SMARCAL1: variants seen among roughly 807,000 people sequenced by gnomAD.
The protein encoded by SMARCAL1 is ATP-driven annealing helicase.
In SMARCAL1, 58 loss-of-function variants were observed where a neutral mutation model predicts 94.5. That is an observed-to-expected ratio of 0.61 (90% CI 0.50 to 0.76). The LOEUF (loss-of-function observed/expected upper bound fraction) is 0.76. Ranked by LOEUF, SMARCAL1 falls within the 30% of genes least tolerant of loss-of-function variation. The pLI, the probability that SMARCAL1 is intolerant of heterozygous loss-of-function variation, is 0.00. For missense variants in SMARCAL1, 1,051 were observed against 1,177.9 expected, an observed-to-expected ratio of 0.89 and a Z score of 1.58; for synonymous variants, 422 against 455.1, an observed-to-expected ratio of 0.93 and a Z score of 0.93.
chr2:216,450,716 A>C, intron 11 of SMARCAL1, 130 bp from the exon 12 acceptor site: 1 of 683,476 alleles, frequency 1.5e-6, no homozygotes, highest in Non-Finnish European at 2.6e-6. Flanking sequence ...TTGTCCCTGT[A>C]AGTCACTTGA....
At chr2:216,473,450 TCTGTTCA>T (rs1695008486) in intron 14 of SMARCAL1, among the ~76,000 whole-genome samples, 1 of 151,788 alleles carries the variant, frequency 6.6e-6, no homozygotes, top group Non-Finnish European at 1.5e-5. Flanking sequence ...TTGTACATCA[TCTGTTCA>T]CTTGTTGATG....
chr2:216,448,125 G>A (rs1694359466), intron 11 of SMARCAL1, among the ~76,000 whole-genome samples: 2 of 152,192 alleles, frequency 1.3e-5, no homozygotes, highest in African/African-American at 4.8e-5. Context: ...CCTTAGCATA[G>A]TTAATTGCAA....
rs1694440717 is a variant in SMARCAL1, at chr2:216,451,057, A to G, written c.2063A>G (p.Asp688Gly). Residue 688 changes from aspartate to glycine, a missense_variant, in exon 12 of 18, where the codon GAC becomes GGC. This residue lies in a region of SMARCAL1 where 642 missense variants were observed against 754.7 expected (regional missense o/e 0.85). Transcript: ENST00000357276. ...GCAGCCAAGGAAATGACCACCAAGG[A>G]CAAAACTGTGAGTCCAGGGCTGGAG... ...DAAAKEMTTK[D>G]KTKQQQKDAL... 1.9e-6 allele frequency: 3 copies of G among 1,613,896 alleles called. No individual in the cohort carries two copies. Among genetic ancestry groups the G allele is most frequent in the Non-Finnish European group, 2.5e-6 (3 of 1,179,762 alleles).
Position 216,447,117 on chromosome 2 carries a change from C to T in SMARCAL1, c.1810C>T (p.Gln604Ter). 6.2e-7 allele frequency: 1 copy of T among 1,614,080 alleles called. No homozygotes were observed. The highest frequency in any genetic ancestry group is 8.5e-7 in the Non-Finnish European group (1 of 1,180,018). Residue 604 changes from glutamine (Q) to a stop codon, truncating the protein, a stop_gained, in exon 11 of 18, where the codon CAG becomes TAG. Coordinates refer to ENST00000357276, the MANE Select transcript of SMARCAL1 (RefSeq NM_014140.4). LOFTEE classifies it high-confidence loss of function. ...IIAVKPTFFP[Q>*]FHAFGLRYCD... ...CGCAGTCAAGCCAACTTTCTTCCCC[C>T]AGTTTCATGCCTTTGGACTTCGCTA... is the stretch of plus-strand genomic sequence containing the variant.
At chr2:216,448,714 C>T (rs768333417) in intron 11 of SMARCAL1, among the ~76,000 whole-genome samples, 1 of 152,206 alleles carries the variant, frequency 6.6e-6, no homozygotes, top group Middle Eastern at 3.4e-3. Flanking sequence ...CACATGTAGT[C>T]CCAGCTACTC....
At chr2:216,426,551 C>T (rs531293555) in intron 6 of SMARCAL1, among the ~76,000 whole-genome samples, 46 of 152,242 alleles carry the variant, frequency 3.0e-4, no homozygotes, top group Middle Eastern at 3.4e-3. Flanking sequence ...CAGTGTCTCA[C>T]GGAAGATAAG....
intron 10 of SMARCAL1, among the ~76,000 whole-genome samples, chr2:216,440,325 C>T (rs981761563): frequency 1.3e-5 from 2 of 152,162 alleles, no homozygotes; most frequent in Admixed American, 1.3e-4. Flanking sequence ...AATGTGAAAG[C>T]TTCTAGCAAC....
At chr2:216,481,184 ATATTTATTTATT>A (rs138505181) in intron 17 of SMARCAL1, among the ~76,000 whole-genome samples, 2 of 151,722 alleles carry the variant, frequency 1.3e-5, no homozygotes, top group Non-Finnish European at 2.9e-5. Flanking sequence ...TTGATTTTTT[ATATTTATTTATT>A]TATTTATTTA....
At chr2:216,420,957 C>T (rs1693707597) in intron 5 of SMARCAL1, among the ~76,000 whole-genome samples, 1 of 152,194 alleles carries the variant, frequency 6.6e-6, no homozygotes, top group Non-Finnish European at 1.5e-5. Flanking sequence ...TAAAACGCAG[C>T]TAGCTGGGCC....
intron 10 of SMARCAL1, among the ~76,000 whole-genome samples, chr2:216,441,057 A>G (rs1694187865): frequency 6.6e-6 from 1 of 152,230 alleles, no homozygotes; most frequent in Admixed American, 6.5e-5. Context: ...AAAGCCATAT[A>G]AGGACCTAAT....
At position 216,468,885 on chromosome 2, in the gene SMARCAL1, G is replaced by C. The variant is rs551841233; in HGVS notation, c.2244+839G>C. Among the ~76,000 whole-genome samples, 38 of 152,148 alleles carry C rather than the reference G, an allele frequency of 2.5e-4. 1 individual carries two copies. Among genetic ancestry groups the C allele is most frequent in the African/African-American group, 9.2e-4 (38 of 41,522 alleles). ...ACACCACCTCACCTGGCTAATTTTT[G>C]TATTTTTAGTAGAGACGGGGTTTCA... On this transcript the variant is annotated intron_variant, in intron 14 of 17. Coordinates refer to ENST00000357276, the MANE Select transcript of SMARCAL1 (RefSeq NM_014140.4).
At position 216,451,419 on chromosome 2, in the gene SMARCAL1, A is replaced by G. The variant is rs201812029; in HGVS notation, c.2070+355A>G. ...TCAGTCTAGTAACAGTTGTTAGAAA[A>G]TTAGTCCTAACATGTTTGATACATA... On this transcript the variant is annotated intron_variant, in intron 12 of 17. Transcript: ENST00000357276. 2.0e-4 allele frequency: 67 copies of G among 331,806 alleles called. 1 individual carries two copies. Among genetic ancestry groups the G allele is most frequent in the East Asian group, 8.9e-4 (12 of 13,544 alleles). The allele number at this position is 331,806 out of a possible 1,614,324, so 20.6% of individuals were successfully genotyped here.
chr2:216,474,082 C>T (rs1034358824), intron 14 of SMARCAL1, among the ~76,000 whole-genome samples: 2 of 148,838 alleles, frequency 1.3e-5, no homozygotes, highest in Non-Finnish European at 3.0e-5. Flanking sequence ...AGGCCCATTC[C>T]AAAAGGTTAT....
intron 14 of SMARCAL1, among the ~76,000 whole-genome samples, chr2:216,472,830 C>T (rs956303408): frequency 2.0e-5 from 3 of 151,976 alleles, no homozygotes; most frequent in Non-Finnish European, 2.9e-5. Flanking sequence ...TAAAAATGTG[C>T]GGTGCTCACT....
At chr2:216,452,738 A>T (rs1486902310) in intron 12 of SMARCAL1, among the ~76,000 whole-genome samples, 3 of 152,198 alleles carry the variant, frequency 2.0e-5, no homozygotes, top group African/African-American at 4.8e-5. Flanking sequence ...AAAGAAAAGC[A>T]GTAGAAATTT....
chr2:216,440,566 C>T (rs1694177263), intron 10 of SMARCAL1, among the ~76,000 whole-genome samples: 1 of 152,158 alleles, frequency 6.6e-6, no homozygotes, highest in Non-Finnish European at 1.5e-5. Flanking sequence ...GCCTCATGAA[C>T]ATGGCCTGTG....
In SMARCAL1 at chr2:216,414,925, A is replaced by G. The variant is rs1441502670; in HGVS notation, c.221A>G (p.Gln74Arg). 30 of 1,614,104 alleles carry G rather than the reference A, an allele frequency of 1.9e-5. No homozygotes were observed. Among genetic ancestry groups the G allele is most frequent in the Non-Finnish European group, 2.5e-5 (29 of 1,180,040 alleles). Reference sequence around the variant, plus strand: ...AGCCATGGTGTCATTTTCAAGCAACAGAATCTCAGTAGCTCATCTAATGCT... The same window carrying G: ...AGCCATGGTGTCATTTTCAAGCAACGGAATCTCAGTAGCTCATCTAATGCT... ...PVSHGVIFKQ[Q>R]NLSSSSNADQ... The change falls in exon 3 of 18, where the codon CAG becomes CGG. Residue 74 changes from glutamine to arginine, a missense_variant. By Grantham distance (43) the Gln-to-Arg change is conservative. This residue lies in a region of SMARCAL1 where 398 missense variants were observed against 395.2 expected (regional missense o/e 1.01). Coordinates refer to ENST00000357276, the MANE Select transcript of SMARCAL1 (RefSeq NM_014140.4).
intron 12 of SMARCAL1, among the ~76,000 whole-genome samples, chr2:216,460,435 C>T (rs1694668901): frequency 6.6e-6 from 1 of 151,978 alleles, no homozygotes; most frequent in African/African-American, 2.4e-5. Context: ...TGGAACCAAC[C>T]CAAATGTCCA....
chr2:216,428,580 C>T lies in SMARCAL1; in HGVS notation c.1148-16C>T. ...CATGAACACTCCAGCTCATATGCTTCTGTTCTTCTTTTCAGTTGCAAAGGT... is the reference window on the plus strand; with the variant it reads ...CATGAACACTCCAGCTCATATGCTTTTGTTCTTCTTTTCAGTTGCAAAGGT... On this transcript the variant is annotated splice_polypyrimidine_tract_variant and intron_variant, in intron 6 of 17. Transcript: ENST00000357276. The T allele has an allele frequency of 6.2e-7, 1 of 1,612,770 alleles. No individual in the cohort carries two copies. The highest frequency in any genetic ancestry group is 2.2e-5 in the East Asian group (1 of 44,884).
Sources: allele counts gnomAD v4.1 joint callset (sites outside exome capture counted in the v4.1 genomes callset), GRCh38; gene constraint gnomAD v4.1.1; regional missense constraint gnomAD v4.1.1; transcripts MANE v1.5; gene names NCBI Gene and HGNC (gene_info 2026-07-23, HGNC 2026-07-21).